Variants in ADCY2 observed in about 807,000 individuals in gnomAD.
The protein encoded by ADCY2 is adenylate cyclase 2, also known as adenylate cyclase type 2.
Under a neutral mutation model 125.2 loss-of-function variants are expected in ADCY2, and 31 were observed. That is an observed-to-expected ratio of 0.25 (90% CI 0.19 to 0.33). The LOEUF is 0.33. Ranked by LOEUF, ADCY2 falls within the 10% of genes least tolerant of loss-of-function variation. ADCY2 has a pLI of 1.00. For synonymous variants in ADCY2, 512 were observed against 548.4 expected (o/e 0.93, Z 0.93); for missense variants, 904 against 1,418.2 (o/e 0.64, Z 5.82).
chr5:7,776,193 T>TAAAAAAAAAAA (rs11332766), intron 18 of ADCY2, among the ~76,000 whole-genome samples: 1 of 91,530 alleles, frequency 1.1e-5, no homozygotes. Flanking sequence ...GTGAGATCCT[T>TAAAAAAAAAAA]AAAAAAAAAA....
At chr5:7,409,412 A>G (rs1201202711) in intron 1 of ADCY2, among the ~76,000 whole-genome samples, 3 of 152,216 alleles carry the variant, frequency 2.0e-5, no homozygotes, top group Non-Finnish European at 4.4e-5. Context: ...TAAAATTCAC[A>G]TTATGTTTTA....
At chr5:7,526,208 T>G (rs1734452928) in intron 3 of ADCY2, among the ~76,000 whole-genome samples, 1 of 152,226 alleles carries the variant, frequency 6.6e-6, no homozygotes, top group South Asian at 2.1e-4. Context: ...TGGATGAATT[T>G]GGCCTCCCCC....
intron 4 of ADCY2, among the ~76,000 whole-genome samples, chr5:7,651,062 G>C (rs913637103): frequency 2.6e-5 from 4 of 152,164 alleles, no homozygotes; most frequent in South Asian, 2.1e-4. Flanking sequence ...CTGCCTGCAT[G>C]ATCAGTGGCA....
At chr5:7,441,013 TG>T (rs1740993439) in intron 2 of ADCY2, among the ~76,000 whole-genome samples, 1 of 152,092 alleles carries the variant, frequency 6.6e-6, no homozygotes, top group Non-Finnish European at 1.5e-5. Flanking sequence ...AAATTGAACG[TG>T]GTTTTGTACC....
At chr5:7,770,993 G>A (rs537974843) in intron 17 of ADCY2, among the ~76,000 whole-genome samples, 1 of 152,114 alleles carries the variant, frequency 6.6e-6, no homozygotes, top group East Asian at 1.9e-4. Context: ...AGCTCACTCT[G>A]CCAAGTTTCT....
intron 2 of ADCY2, among the ~76,000 whole-genome samples, chr5:7,422,555 T>G (rs1237061166): frequency 6.6e-6 from 1 of 152,228 alleles, no homozygotes; most frequent in Admixed American, 6.5e-5. Flanking sequence ...GCATTTCTCT[T>G]GTACTAAAGC....
chr5:7,509,005 A>G (rs1743954753), intron 2 of ADCY2, among the ~76,000 whole-genome samples: 1 of 152,202 alleles, frequency 6.6e-6, no homozygotes, highest in Non-Finnish European at 1.5e-5. Context: ...AATTATTGGT[A>G]GAAAGTTTGC....
At position 7,427,796 on chromosome 5, in the gene ADCY2, A is replaced by C. The variant is rs193073713; in HGVS notation, c.408+13026A>C. Among the ~76,000 whole-genome samples the C allele has an allele frequency of 9.7e-4, 148 of 152,178 alleles. 1 individual carries two copies. The highest frequency in any genetic ancestry group is 1.2e-3 in the Non-Finnish European group (80 of 68,036). ...AACCAGTAACAAGTACCAAGGAAGG[A>C]ACTCAGATATGGGAATCATGAGAAT... On this transcript the variant is annotated intron_variant, in intron 2 of 24. Transcript: ENST00000338316.
At chr5:7,518,432 C>A (rs1011781854) in intron 2 of ADCY2, among the ~76,000 whole-genome samples, 1 of 152,118 alleles carries the variant, frequency 6.6e-6, no homozygotes, top group Non-Finnish European at 1.5e-5. Context: ...TACTTTTTGC[C>A]TTGGTTTCAC....
chr5:7,817,694 A>C lies in ADCY2; in HGVS notation c.2998+714A>C, dbSNP rs188438339. On this transcript the variant is annotated intron_variant, in intron 23 of 24. Coordinates refer to ENST00000338316, the MANE Select transcript of ADCY2 (RefSeq NM_020546.3). ...ATAAATTAGCTGAGCTTGGCGGCGC[A>C]CGCCTGTAGTCCTAGCTACTTTGGA... Among the ~76,000 whole-genome samples the C allele has an allele frequency of 6.2e-3, 938 of 152,112 alleles. 5 individuals are homozygous for C. Among genetic ancestry groups the C allele is most frequent in the Non-Finnish European group, 9.8e-3 (669 of 68,000 alleles).
chr5:7,720,845 C>T (rs1471375347), intron 12 of ADCY2, among the ~76,000 whole-genome samples: 8 of 152,184 alleles, frequency 5.3e-5, no homozygotes, highest in South Asian at 2.1e-4. Context: ...TGAATAGTGC[C>T]GCAATAAACA....
chr5:7,517,231 C>T (rs1744282553), intron 2 of ADCY2, among the ~76,000 whole-genome samples: 1 of 152,118 alleles, frequency 6.6e-6, no homozygotes, highest in Non-Finnish European at 1.5e-5. Context: ...GGGGTTTCTG[C>T]AGAGGATCAC....
chr5:7,714,814 C>G (rs1266748601), intron 11 of ADCY2, among the ~76,000 whole-genome samples: 1 of 152,248 alleles, frequency 6.6e-6, no homozygotes, highest in Non-Finnish European at 1.5e-5. Flanking sequence ...AGTGGACTGC[C>G]TCATAATACC....
chr5:7,709,113 G>C lies in ADCY2; in HGVS notation c.1402-98G>C. The C allele has an allele frequency of 8.1e-7, 1 of 1,241,058 alleles. No individual in the cohort carries two copies. The highest frequency in any genetic ancestry group is 2.7e-5 in the East Asian group (1 of 37,024). The allele number at this position is 1,241,058 out of a possible 1,614,324, so 76.9% of individuals were successfully genotyped here. A position where few individuals can be genotyped will look rare whatever the true frequency, so the allele number is the denominator to read the frequency against. On this transcript the variant is annotated intron_variant, in intron 9 of 24. Coordinates refer to ENST00000338316, the MANE Select transcript of ADCY2 (RefSeq NM_020546.3). The surrounding 1 kb of genome is among the most constrained non-coding windows in gnomAD (Gnocchi z 4.4). ...AAACACAGAGGGCGAATAGAGGGCTGTCAGGAGGAATGACCCTAGTCCAAT... is the reference window on the plus strand; with the variant it reads ...AAACACAGAGGGCGAATAGAGGGCTCTCAGGAGGAATGACCCTAGTCCAAT...
At chr5:7,797,117 A>G (rs1251764815) in intron 20 of ADCY2, 2 of 152,228 alleles carry the variant, frequency 1.3e-5, no homozygotes, top group Admixed American at 1.3e-4. Context: ...CTCTATGCCC[A>G]TGCGTCCTCT....
At chr5:7,408,170 C>T (rs1739575104) in intron 1 of ADCY2, among the ~76,000 whole-genome samples, 1 of 141,852 alleles carries the variant, frequency 7.0e-6, no homozygotes, top group South Asian at 2.3e-4. Flanking sequence ...GTGCCTGGCC[C>T]CTTCTGTTCA....
intron 22 of ADCY2, among the ~76,000 whole-genome samples, chr5:7,814,880 C>A (rs1489995959): frequency 6.6e-6 from 1 of 152,130 alleles, no homozygotes; most frequent in Non-Finnish European, 1.5e-5. Flanking sequence ...GCCTAAGGCC[C>A]GCAGCAGCCC....
chr5:7,712,728 T>C (rs2126366615), intron 10 of ADCY2, 128 bp from the exon 11 acceptor site: 1 of 676,152 alleles, frequency 1.5e-6, no homozygotes, highest in East Asian at 2.8e-5. Context: ...TCCACATGAG[T>C]AATTAATTAT....
intron 4 of ADCY2, among the ~76,000 whole-genome samples, chr5:7,671,360 A>G (rs1429611329): frequency 6.6e-6 from 1 of 152,222 alleles, no homozygotes; most frequent in Non-Finnish European, 1.5e-5. Context: ...AATGCTACAA[A>G]ACAAAATTCA....
Sources: gnomAD v4.1 joint callset for allele counts (sites outside exome capture counted in the v4.1 genomes callset) on GRCh38, gnomAD v4.1.1 for gene constraint, Gnocchi (gnomAD v3.1) non-coding constraint, MANE v1.5 for transcripts, NCBI Gene and HGNC (gene_info 2026-07-23, HGNC 2026-07-21) for gene names.